The following CMIP variants were observed in gnomAD, a reference collection of about 807,000 sequenced individuals.
CMIP encodes C-Maf-inducing protein.
CMIP carries 13 observed loss-of-function variants against 97.3 expected under a neutral mutation model. The ratio of observed to expected loss-of-function variants is 0.13; its 90% CI spans 0.09 to 0.21. The LOEUF is 0.21. Ranked by LOEUF, CMIP falls within the 10% of genes least tolerant of loss-of-function variation. The probability of loss-of-function intolerance (pLI) is 1.00; values close to 1 mark genes in which losing one functional copy is unlikely to be tolerated. For missense variants in CMIP, 847 were observed against 1,024.9 expected (o/e 0.83, Z 2.37); for synonymous variants, 538 against 436.3 (o/e 1.23, Z -2.91).
intron 18 of CMIP, among the ~76,000 whole-genome samples, chr16:81,704,868 G>T (rs561982728): frequency 1.3e-5 from 2 of 151,412 alleles, no homozygotes; most frequent in Non-Finnish European, 2.9e-5. Context: ...TTCCCATTTG[G>T]AAATAATGTG....
intron 1 of CMIP, among the ~76,000 whole-genome samples, chr16:81,577,746 TACC>T (rs2091221726): frequency 6.9e-6 from 1 of 144,848 alleles, no homozygotes; most frequent in South Asian, 2.2e-4. Flanking sequence ...TCATCCCCAT[TACC>T]ACTACGCTAT....
intron 1 of CMIP, among the ~76,000 whole-genome samples, chr16:81,572,166 G>T (rs796236203): frequency 6.6e-6 from 1 of 152,226 alleles, no homozygotes; most frequent in Admixed American, 6.5e-5. Context: ...CTTCAGCTCC[G>T]CGTCTGAAGC....
chr16:81,525,085 C>T (rs1016817610), intron 1 of CMIP, among the ~76,000 whole-genome samples: 3 of 149,478 alleles, frequency 2.0e-5, no homozygotes, highest in Admixed American at 1.3e-4. Context: ...CATGAGCCAC[C>T]ATGCCTGGCC....
At chr16:81,619,031 A>C (rs906124601) in intron 2 of CMIP, 6 of 152,280 alleles carry the variant, frequency 3.9e-5, no homozygotes, top group African/African-American at 1.2e-4. Context: ...GGCCTCCGCA[A>C]CTCTGGGCAG....
chr16:81,556,062 T>G (rs1000456), intron 1 of CMIP, among the ~76,000 whole-genome samples: 38,707 of 152,030 alleles, frequency 0.25, 5,385 homozygotes, highest in East Asian at 0.38. Context: ...AGCCATTTTT[T>G]CCCTGGAAAA....
At chr16:81,452,885 G>GTTTTTTTTT (rs558606255) in intron 1 of CMIP, among the ~76,000 whole-genome samples, 13 of 129,242 alleles carry the variant, frequency 1.0e-4, no homozygotes, top group African/African-American at 2.0e-4. Context: ...TTTTTGTTTT[G>GTTTTTTTTT]TTTTTTTTTT....
intron 1 of CMIP, among the ~76,000 whole-genome samples, chr16:81,446,726 G>A (rs997535992): frequency 6.6e-6 from 1 of 152,212 alleles, no homozygotes; most frequent in African/African-American, 2.4e-5. Context: ...CGTGTAGCGT[G>A]TGTAGACATT....
chr16:81,506,260 A>T (rs1206792416), intron 1 of CMIP, among the ~76,000 whole-genome samples: 2 of 152,116 alleles, frequency 1.3e-5, no homozygotes, highest in East Asian at 1.9e-4. Flanking sequence ...TACACTCAGG[A>T]CCGTTCTGAT....
At chr16:81,667,799 A>AGAGAGAGAGTGTGTGTGTGT in intron 7 of CMIP, among the ~76,000 whole-genome samples, 42 of 58,124 alleles carry the variant, frequency 7.2e-4, no homozygotes, top group East Asian at 2.0e-3. Flanking sequence ...AGAGAGAGAG[A>AGAGAGAGAGTGTGTGTGTGT]GTGTGTGTGT....
At chr16:81,663,113 A>T (rs199700968) in intron 6 of CMIP, among the ~76,000 whole-genome samples, 29 of 137,286 alleles carry the variant, frequency 2.1e-4, no homozygotes, top group African/African-American at 7.1e-4. Context: ...AAAAAAAAAA[A>T]TTTTAAGGCT....
At position 81,664,667 on chromosome 16, in the gene CMIP, G is replaced by A. The variant is rs547773308; in HGVS notation, c.825+318G>A. On this transcript the variant is annotated intron_variant, in intron 7 of 20. Coordinates refer to ENST00000537098, the MANE Select transcript of CMIP (RefSeq NM_198390.3). ...TGCCCTGCCCTCAAGGACCCAGAGC[G>A]CGACTTTGCACTCCTTTAGTGTGTG... 418 of 561,180 alleles carry A rather than the reference G, an allele frequency of 7.4e-4. 2 individuals are homozygous for A. The highest frequency in any genetic ancestry group is 1.0e-3 in the Non-Finnish European group (331 of 317,566). The allele number at this position is 561,180 out of a possible 1,614,324, so 34.8% of individuals were successfully genotyped here.
chr16:81,697,223 C>G (rs1906836029), intron 14 of CMIP: 1 of 158,610 alleles, frequency 6.3e-6, no homozygotes, highest in Non-Finnish European at 1.4e-5. Flanking sequence ...TATGCACTAT[C>G]CTTTTTTATC....
Position 81,589,432 on chromosome 16 carries a change from A to G in CMIP, c.301-18135A>G, listed in dbSNP as rs559690532. On this transcript the variant is annotated intron_variant, in intron 1 of 20. Coordinates refer to ENST00000537098, the MANE Select transcript of CMIP (RefSeq NM_198390.3). The stretch of plus-strand genomic sequence containing the variant: ...TTTCAACAAATTTATATTCATGACA[A>G]TAGTAACTACCTATATTAGAAGCAC... 1.1e-4 allele frequency among the ~76,000 whole-genome samples: 17 copies of G among 151,904 alleles called. No individual in the cohort carries two copies. The South Asian group carries it at 3.3e-3, about 30-fold the overall frequency.
At position 81,652,296 on chromosome 16, in the gene CMIP, A is replaced by G. The variant is rs2092436942; in HGVS notation, c.571A>G (p.Thr191Ala). 6.2e-7 allele frequency: 1 copy of G among 1,613,800 alleles called. No homozygotes were observed. Among genetic ancestry groups the G allele is most frequent in the Non-Finnish European group, 8.5e-7 (1 of 1,179,810 alleles). The change falls in exon 4 of 21, where the codon ACA becomes GCA. Residue 191 changes from threonine (T) to alanine (A), a missense_variant. By Grantham distance (58) the Thr-to-Ala change is moderately conservative. This residue lies in a region of CMIP where 285 missense variants were observed against 392.2 expected (regional missense o/e 0.73). Coordinates refer to ENST00000537098, the MANE Select transcript of CMIP (RefSeq NM_198390.3). The surrounding 1 kb of genome is among the most constrained non-coding windows in gnomAD (Gnocchi z 5.2). Reference protein sequence around the residue: ...EIRTLVDMALTSPLQDDSINQ... With the variant: ...EIRTLVDMALASPLQDDSINQ... ...CCGGACCCTGGTGGACATGGCCCTG[A>G]CATCCCCCCTGCAGGATGACTCCAT...
intron 1 of CMIP, among the ~76,000 whole-genome samples, chr16:81,458,251 C>A (rs1906683058): frequency 6.6e-6 from 1 of 152,114 alleles, no homozygotes; most frequent in Non-Finnish European, 1.5e-5. Context: ...GTGGGTCCCT[C>A]TCCTTTTTAT....
chr16:81,563,531 G>A (rs543157897), intron 1 of CMIP, among the ~76,000 whole-genome samples: 4 of 152,290 alleles, frequency 2.6e-5, no homozygotes, highest in Non-Finnish European at 4.4e-5. Flanking sequence ...GACACGTACC[G>A]CATTATAGTC....
In CMIP at chr16:81,706,995, G is replaced by T; in HGVS notation, c.2198-19G>T. Reference sequence around the variant, plus strand: ...TTGGGGCCTCGCTCTCCTAACAACTGTATCTGTCTCTTGTGCAGCCATGAA... The same window carrying T: ...TTGGGGCCTCGCTCTCCTAACAACTTTATCTGTCTCTTGTGCAGCCATGAA... On this transcript the variant is annotated intron_variant, in intron 19 of 20. Transcript: ENST00000537098. 1 of 1,612,142 alleles carries T rather than the reference G, an allele frequency of 6.2e-7. No homozygotes were observed. The highest frequency in any genetic ancestry group is 8.5e-7 in the Non-Finnish European group (1 of 1,178,492).
intron 1 of CMIP, among the ~76,000 whole-genome samples, chr16:81,562,839 C>G (rs2966120): frequency 0.38 from 58,077 of 152,104 alleles, 13,290 homozygotes; most frequent in Non-Finnish European, 0.51. Flanking sequence ...CTTACTTGCT[C>G]AAAGTCACAC....
chr16:81,445,586 C>A (rs748332193), intron 1 of CMIP, 45 bp downstream of exon 1: 2 of 1,518,290 alleles, frequency 1.3e-6, no homozygotes, highest in Non-Finnish European at 1.8e-6. Flanking sequence ...CCTCGGGGCC[C>A]GAGATGCGCC....
Sources: gnomAD v4.1 joint callset for allele counts (sites outside exome capture counted in the v4.1 genomes callset) on GRCh38, gnomAD v4.1.1 for gene constraint, gnomAD v4.1.1 regional missense constraint, Gnocchi (gnomAD v3.1) non-coding constraint, MANE v1.5 for transcripts, NCBI Gene and HGNC (gene_info 2026-07-23, HGNC 2026-07-21) for gene names.